The following NUP85 variants were observed in gnomAD, a reference collection of about 807,000 sequenced individuals.
NUP85 encodes nuclear pore complex protein Nup85.
In NUP85, 23 loss-of-function variants were observed where a neutral mutation model predicts 92.8. That is an observed-to-expected ratio of 0.25 (90% CI 0.18 to 0.35). The LOEUF (loss-of-function observed/expected upper bound fraction) is 0.35. NUP85 is among the 10% of genes least tolerant of loss of function. The pLI is 1.00. For missense variants in NUP85, 759 were observed against 822.8 expected, an observed-to-expected ratio of 0.92 and a Z score of 0.95; for synonymous variants, 314 against 306.9, an observed-to-expected ratio of 1.02 and a Z score of -0.24.
At chr17:75,212,569 C>G (rs935810796) in intron 4 of NUP85, among the ~76,000 whole-genome samples, 2 of 148,636 alleles carry the variant, frequency 1.3e-5, no homozygotes, top group Non-Finnish European at 3.0e-5. Context: ...ACCGCCTGGG[C>G]TCAAGTGATC....
intron 16 of NUP85, among the ~76,000 whole-genome samples, chr17:75,234,228 T>C (rs1324126439): frequency 6.6e-6 from 1 of 151,522 alleles, no homozygotes; most frequent in Non-Finnish European, 1.5e-5. Flanking sequence ...ATTTTTGTAT[T>C]TTTAGTAGAA....
intron 7 of NUP85, among the ~76,000 whole-genome samples, chr17:75,220,197 T>C (rs2075556565): frequency 6.6e-6 from 1 of 152,036 alleles, no homozygotes; most frequent in African/African-American, 2.4e-5. Context: ...CCATCTCAGC[T>C]CACTGCGACC....
chr17:75,228,883 G>A, intron 11 of NUP85: 17 of 985,430 alleles, frequency 1.7e-5, no homozygotes, highest in Non-Finnish European at 2.0e-5. Context: ...CCCTGCTAAA[G>A]GGCCAGGGGT....
intron 4 of NUP85, among the ~76,000 whole-genome samples, chr17:75,212,419 C>T (rs1264869969): frequency 6.7e-6 from 1 of 148,682 alleles, no homozygotes; most frequent in Non-Finnish European, 1.5e-5. Flanking sequence ...CAGTTGTACA[C>T]CACCAAGCCC....
chr17:75,226,922 A>G, intron 11 of NUP85: 1 of 290,378 alleles, frequency 3.4e-6, no homozygotes, highest in South Asian at 3.0e-5. Flanking sequence ...TATTATTCAG[A>G]ATTTCCAGCC....
intron 14 of NUP85, 187 bp downstream of exon 14, chr17:75,232,166 A>C: frequency 1.6e-6 from 1 of 642,238 alleles, no homozygotes; most frequent in Non-Finnish European, 2.6e-6. Flanking sequence ...AAAGCTAGGG[A>C]TCCACTGGAA....
chr17:75,209,961 T>C lies in NUP85; in HGVS notation c.266T>C (p.Leu89Ser). ...FLGLQRIDEE[L>S]TGKSRKSQLV... ...GGCCTCCAGAGAATTGACGAAGAGTTGACTGGAAAATCCAGAAAATCTCAG... is the reference window on the plus strand; with the variant it reads ...GGCCTCCAGAGAATTGACGAAGAGTCGACTGGAAAATCCAGAAAATCTCAG... Residue 89 changes from leucine to serine, a missense_variant, in exon 3 of 19, where the codon TTG becomes TCG. Transcript: ENST00000245544. 1 of 1,587,854 alleles carries C rather than the reference T, an allele frequency of 6.3e-7. No individual in the cohort carries two copies. Among genetic ancestry groups the C allele is most frequent in the Non-Finnish European group, 8.5e-7 (1 of 1,173,442 alleles).
chr17:75,222,761 C>T (rs915174991), intron 7 of NUP85, among the ~76,000 whole-genome samples: 1 of 151,912 alleles, frequency 6.6e-6, no homozygotes, highest in Non-Finnish European at 1.5e-5. Flanking sequence ...GTCAGCCAGG[C>T]GCAGTGGCTC....
chr17:75,206,939 C>T (rs770234311), intron 1 of NUP85, among the ~76,000 whole-genome samples: 2 of 152,034 alleles, frequency 1.3e-5, no homozygotes, highest in African/African-American at 2.4e-5. Context: ...AATCTCCTGA[C>T]CTCGTGATCC....
chr17:75,210,204 A>G (rs2075214787), intron 3 of NUP85, among the ~76,000 whole-genome samples: 2 of 152,156 alleles, frequency 1.3e-5, no homozygotes, highest in South Asian at 2.1e-4. Flanking sequence ...GACAAGCTTT[A>G]TTTATATTCA....
At chr17:75,212,971 T>C in intron 4 of NUP85, 105 bp from the exon 5 acceptor site, 1 of 1,072,602 alleles carries the variant, frequency 9.3e-7, no homozygotes, top group Non-Finnish European at 1.4e-6. Flanking sequence ...TTAATTTTTC[T>C]CATTAAAATA....
At chr17:75,216,269 CT>C (rs531716640) in intron 6 of NUP85, 753 of 147,660 alleles carry the variant, frequency 5.1e-3, no homozygotes, top group Middle Eastern at 0.01. Flanking sequence ...TTCTGTTGAT[CT>C]TTTTTTTTTT....
chr17:75,223,422 CTG>C (rs2075655645), intron 7 of NUP85, among the ~76,000 whole-genome samples: 3 of 152,270 alleles, frequency 2.0e-5, no homozygotes, highest in Admixed American at 6.5e-5. Context: ...GAGTCTCACT[CTG>C]TCACCCAGGC....
rs1598347913 is a variant in NUP85, at chr17:75,232,196, C to T, written c.1396+217C>T. ...CTGGAACCCAGACAAAATCTACACG[C>T]CATCTGGAAAGGCCTGAGCCGCCCC... is the stretch of plus-strand genomic sequence containing the variant. On this transcript the variant is annotated intron_variant, in intron 14 of 18. Transcript: ENST00000245544. 7 of 573,352 alleles carry T rather than the reference C, an allele frequency of 1.2e-5. No homozygotes were observed. The East Asian group carries it at 1.8e-4, about 15-fold the overall frequency. The allele number at this position is 573,352 out of a possible 1,614,324, so 35.5% of individuals were successfully genotyped here. A position where few individuals can be genotyped will look rare whatever the true frequency, so the allele number is the denominator to read the frequency against.
intron 16 of NUP85, 151 bp downstream of exon 16, chr17:75,233,309 A>G (rs2076150326): frequency 6.3e-6 from 4 of 630,994 alleles, no homozygotes; most frequent in African/African-American, 3.7e-5. Context: ...GTCCAGGATC[A>G]TGAGTTTGGC....
At chr17:75,209,537 G>A (rs770277357) in intron 2 of NUP85, among the ~76,000 whole-genome samples, 8 of 148,616 alleles carry the variant, frequency 5.4e-5, no homozygotes, top group Non-Finnish European at 1.2e-4. Context: ...TCCGCCTCCC[G>A]GTTTGAAGCA....
At chr17:75,213,237 C>A in intron 5 of NUP85, 118 bp downstream of exon 5, 1 of 820,036 alleles carries the variant, frequency 1.2e-6, no homozygotes, top group Admixed American at 2.3e-5. Context: ...GGTAGATAGG[C>A]AGCTCCTTTG....
chr17:75,207,921 C>CA (rs1161978022), intron 1 of NUP85, among the ~76,000 whole-genome samples: 1 of 151,910 alleles, frequency 6.6e-6, no homozygotes, highest in African/African-American at 2.4e-5. Flanking sequence ...ACCCAGCAGG[C>CA]AGAGGTTGCA....
intron 2 of NUP85, among the ~76,000 whole-genome samples, chr17:75,209,445 C>CTTTTTT (rs71159453): frequency 9.4e-6 from 1 of 106,446 alleles, no homozygotes; most frequent in African/African-American, 3.2e-5. Flanking sequence ...GATTTGCTTT[C>CTTTTTT]TTTTTTTTTT....
Sources: allele counts gnomAD v4.1 joint callset (sites outside exome capture counted in the v4.1 genomes callset), GRCh38; gene constraint gnomAD v4.1.1; transcripts MANE v1.5; gene names NCBI Gene and HGNC (gene_info 2026-07-23, HGNC 2026-07-21).